The following F5 variants were observed in gnomAD, a reference collection of about 807,000 sequenced individuals.
F5 encodes the protein coagulation factor V.
Under a neutral mutation model 216.4 loss-of-function variants are expected in F5, and 138 were observed. The ratio of observed to expected loss-of-function variants is 0.64; its 90% CI spans 0.56 to 0.73. The LOEUF (loss-of-function observed/expected upper bound fraction) is 0.73, where lower values mean the gene tolerates loss of function less well. Ranked by LOEUF, F5 falls within the 30% of genes least tolerant of loss-of-function variation. The probability of loss-of-function intolerance (pLI) is 0.00; values close to 1 mark genes in which losing one functional copy is unlikely to be tolerated. For synonymous variants in F5, 916 were observed against 930.7 expected, an observed-to-expected ratio of 0.98 and a Z score of 0.29; for missense variants, 2,403 against 2,674.0, an observed-to-expected ratio of 0.90 and a Z score of 2.24.
rs201280545 is a variant in F5, at chr1:169,582,554, G to A, written c.159-32C>T. On this transcript the variant is annotated intron_variant, in intron 1 of 24. Coordinates refer to ENST00000367797, the MANE Select transcript of F5 (RefSeq NM_000130.5). ...ATAAAATACAAAAACTAATTTGAAAGGCATATTCAATATCTATTTCTCACA... is the reference window on the plus strand; with the variant it reads ...ATAAAATACAAAAACTAATTTGAAAAGCATATTCAATATCTATTTCTCACA... The A allele has an allele frequency of 3.8e-3, 4,583 of 1,219,328 alleles. 9 individuals are homozygous for A. The highest frequency in any genetic ancestry group is 4.0e-3 in the Non-Finnish European group (3,371 of 832,852). The allele number at this position is 1,219,328 out of a possible 1,614,324, so 75.5% of individuals were successfully genotyped here.
At chr1:169,522,192 A>G (rs760854962) in intron 21 of F5, among the ~76,000 whole-genome samples, 1 of 152,170 alleles carries the variant, frequency 6.6e-6, no homozygotes, top group Non-Finnish European at 1.5e-5. Flanking sequence ...CTGTAATTTA[A>G]AAACTGCCCA....
intron 2 of F5, among the ~76,000 whole-genome samples, chr1:169,574,330 T>C (rs992984015): frequency 2.6e-5 from 4 of 152,178 alleles, no homozygotes. Flanking sequence ...TCAATGAATC[T>C]GAGTTCTGGA....
chr1:169,569,140 C>T (rs1660670479), intron 3 of F5, among the ~76,000 whole-genome samples: 1 of 151,958 alleles, frequency 6.6e-6, no homozygotes, highest in Non-Finnish European at 1.5e-5. Context: ...ATCATATACT[C>T]AAGGAAGTCT....
intron 23 of F5, among the ~76,000 whole-genome samples, chr1:169,516,371 C>T (rs1490166849): frequency 6.6e-6 from 1 of 152,094 alleles, no homozygotes; most frequent in South Asian, 2.1e-4. Flanking sequence ...AAATTTTTAC[C>T]TTTGGGAGAT....
At position 169,542,871 on chromosome 1, in the gene F5, C is replaced by T. The variant is rs200272546; in HGVS notation, c.2219G>A (p.Arg740Gln). Reference sequence around the variant, plus strand: ...TTCTTCCTGATTCAATGATGAGTTTCGGAATGACCTGATTCCTAATGCTGC... The same window carrying T: ...TTCTTCCTGATTCAATGATGAGTTTTGGAATGACCTGATTCCTAATGCTGC... ...LAAALGIRSF[R>Q]NSSLNQEEEE... The change falls in exon 13 of 25, where the codon CGA (arginine) becomes CAA (glutamine). Residue 740 changes from arginine to glutamine, a missense_variant. Arg to Gln is a conservative substitution (Grantham distance 43). Transcript: ENST00000367797. 67 of 1,614,002 alleles carry T rather than the reference C, an allele frequency of 4.2e-5. No homozygotes were observed. Among genetic ancestry groups the T allele is most frequent in the Admixed American group, 3.3e-4 (20 of 60,008 alleles).
Position 169,542,202 on chromosome 1 carries a change from T to A in F5, c.2888A>T (p.Asp963Val). ...CCAATTGTTAACAGCTGTGTCTTCA[T>A]CAGTATCTTGGATTATTTCATAGCT... Reference protein sequence around the residue: ...KGSYEIIQDTDEDTAVNNWLI... With the variant: ...KGSYEIIQDTVEDTAVNNWLI... The change falls in exon 13 of 25, where the codon GAT becomes GTT. Residue 963 changes from aspartate to valine, a missense_variant. Coordinates refer to ENST00000367797, the MANE Select transcript of F5 (RefSeq NM_000130.5). The A allele has an allele frequency of 6.2e-7, 1 of 1,614,088 alleles. No individual in the cohort carries two copies. Among genetic ancestry groups the A allele is most frequent in the Non-Finnish European group, 8.5e-7 (1 of 1,179,980 alleles).
chr1:169,552,283 T>A (rs1260743877), intron 8 of F5, among the ~76,000 whole-genome samples: 1 of 152,248 alleles, frequency 6.6e-6, no homozygotes, highest in Admixed American at 6.5e-5. Context: ...ACATGGTATC[T>A]ACTTATCTGT....
chr1:169,546,979 AAAAAG>A (rs925428082), intron 10 of F5, among the ~76,000 whole-genome samples: 58 of 77,872 alleles, frequency 7.4e-4, no homozygotes, highest in South Asian at 2.4e-3. Flanking sequence ...AAAAAAAAAA[AAAAAG>A]AAAAGAAAAG....
chr1:169,584,626 G>C (rs1177800685), intron 1 of F5, among the ~76,000 whole-genome samples: 1 of 152,182 alleles, frequency 6.6e-6, no homozygotes, highest in Non-Finnish European at 1.5e-5. Context: ...GATGGAGTTG[G>C]CTATGTTGAT....
chr1:169,530,198 C>G (rs1386293616), intron 15 of F5, among the ~76,000 whole-genome samples: 4 of 152,152 alleles, frequency 2.6e-5, no homozygotes, highest in Non-Finnish European at 4.4e-5. Flanking sequence ...TTACCATGCA[C>G]TATGTACTGT....
chr1:169,573,249 A>C (rs1047288411), intron 2 of F5, among the ~76,000 whole-genome samples: 3 of 152,170 alleles, frequency 2.0e-5, no homozygotes, highest in Non-Finnish European at 4.4e-5. Context: ...CGCCTCGTCT[A>C]AGTGAAATGG....
intron 18 of F5, 70 bp from the exon 19 acceptor site, chr1:169,524,978 G>A (rs1659404750): frequency 2.5e-6 from 3 of 1,210,710 alleles, no homozygotes; most frequent in Non-Finnish European, 3.6e-6. Flanking sequence ...AAACTCCATG[G>A]TTAGGGATTA....
In F5 at chr1:169,541,486, T is replaced by C. The variant is rs1396192834; in HGVS notation, c.3604A>G (p.Thr1202Ala). 6.2e-7 allele frequency: 1 copy of C among 1,614,134 alleles called. No individual in the cohort carries two copies. Among genetic ancestry groups the C allele is most frequent in the Admixed American group, 1.7e-5 (1 of 60,008 alleles). ...TGGCTGAGGTCTGGAGAGAGGTTTGTCTGGCTGAGTTCTGGAGAGAGGGTC... is the reference window on the plus strand; with the variant it reads ...TGGCTGAGGTCTGGAGAGAGGTTTGCCTGGCTGAGTTCTGGAGAGAGGGTC... Reference protein sequence around the residue: ...QVTLSPELSQTNLSPDLSHTT... With the variant: ...QVTLSPELSQANLSPDLSHTT... Residue 1202 changes from threonine to alanine, a missense_variant, in exon 13 of 25, where the codon ACA becomes GCA. This residue lies in a region of F5 where 1,425 missense variants were observed against 1,554.8 expected (regional missense o/e 0.92). Coordinates refer to ENST00000367797, the MANE Select transcript of F5 (RefSeq NM_000130.5).
rs571903650 is a variant in F5 at position 169,577,016 on chromosome 1, G to A, written c.251-4673C>T. Among the ~76,000 whole-genome samples the A allele has an allele frequency of 7.8e-4, 119 of 152,240 alleles. 1 individual carries two copies. Among genetic ancestry groups the A allele is most frequent in the African/African-American group, 2.4e-3 (100 of 41,548 alleles). On this transcript the variant is annotated intron_variant, in intron 2 of 24. Coordinates refer to ENST00000367797, the MANE Select transcript of F5 (RefSeq NM_000130.5). ...ATAAATGCATACCAAATACTTTCAC[G>A]CATGTAGGAAAACACATGGCTAAAT... is the stretch of plus-strand genomic sequence containing the variant.
chr1:169,550,562 G>T, intron 9 of F5, 78 bp downstream of exon 9: 1 of 1,076,006 alleles, frequency 9.3e-7, no homozygotes, highest in East Asian at 2.4e-5. Flanking sequence ...GACACCACCG[G>T]GCAAGGAGAA....
intron 2 of F5, among the ~76,000 whole-genome samples, chr1:169,573,812 CAGA>C (rs60427839): frequency 0.01 from 1,536 of 152,160 alleles, 22 homozygotes; most frequent in African/African-American, 0.034. Context: ...CAAAATATTA[CAGA>C]AGAAGAGAGG....
At chr1:169,575,809 C>T (rs4656693) in intron 2 of F5, among the ~76,000 whole-genome samples, 37,218 of 151,716 alleles carry the variant, frequency 0.25, 5,361 homozygotes, top group South Asian at 0.36. Flanking sequence ...GAATAATGTG[C>T]CCCTGCTGAG....
chr1:169,571,819 G>A (rs1411107412), intron 3 of F5, among the ~76,000 whole-genome samples: 2 of 152,178 alleles, frequency 1.3e-5, no homozygotes, highest in Admixed American at 6.5e-5. Context: ...CTAAAAGGCA[G>A]AGTTGAGTAC....
At chr1:169,581,539 C>G (rs563319213) in intron 2 of F5, among the ~76,000 whole-genome samples, 1 of 151,808 alleles carries the variant, frequency 6.6e-6, no homozygotes, top group Non-Finnish European at 1.5e-5. Context: ...AGGAAGACTC[C>G]CATTGACTAA....
Sources: gnomAD v4.1 joint callset for allele counts (sites outside exome capture counted in the v4.1 genomes callset) on GRCh38, gnomAD v4.1.1 for gene constraint, gnomAD v4.1.1 regional missense constraint, MANE v1.5 for transcripts, NCBI Gene and HGNC (gene_info 2026-07-23, HGNC 2026-07-21) for gene names.